ASAP1: variants seen among roughly 807,000 people sequenced by gnomAD.
ASAP1 encodes ArfGAP with SH3 domain, ankyrin repeat and PH domain 1.
ASAP1 carries 43 observed loss-of-function variants against 145.2 expected under a neutral mutation model. That is an observed-to-expected ratio of 0.30 (90% CI 0.23 to 0.38). The LOEUF is 0.38. ASAP1 is among the 10% of genes least tolerant of loss of function. The probability of loss-of-function intolerance (pLI) is 1.00; values close to 1 mark genes in which losing one functional copy is unlikely to be tolerated. For synonymous variants in ASAP1, 546 were observed against 515.5 expected, an observed-to-expected ratio of 1.06 and a Z score of -0.80; for missense variants, 1,018 against 1,355.3, an observed-to-expected ratio of 0.75 and a Z score of 3.91.
rs1329372395 is a variant in ASAP1, at chr8:130,221,636, T to C, written c.260-6935A>G. Among the ~76,000 whole-genome samples, 6 of 152,326 alleles carry C rather than the reference T, an allele frequency of 3.9e-5. No homozygotes were observed. In the East Asian group the frequency reaches 1.2e-3, roughly 29 times the overall value. The stretch of plus-strand genomic sequence containing the variant: ...CTAGCTGCTTCTTTGGGGTTTTTCA[T>C]TTCTTTTCCGTGAGGCCCCTTATGT... On this transcript the variant is annotated intron_variant, in intron 4 of 29. Transcript: ENST00000518721.
intron 5 of ASAP1, among the ~76,000 whole-genome samples, chr8:130,208,988 T>A (rs1246275359): frequency 6.6e-6 from 1 of 152,212 alleles, no homozygotes; most frequent in African/African-American, 2.4e-5. Context: ...CAATTATAGT[T>A]ATCTTTGATT....
At chr8:130,082,102 G>A (rs1030859128) in intron 25 of ASAP1, among the ~76,000 whole-genome samples, 4 of 152,136 alleles carry the variant, frequency 2.6e-5, no homozygotes, top group African/African-American at 9.7e-5. Context: ...TGCACCTACT[G>A]AAGAGGGAGA....
intron 2 of ASAP1, among the ~76,000 whole-genome samples, chr8:130,388,413 TG>T (rs1426823025): frequency 6.6e-6 from 1 of 152,122 alleles, no homozygotes; most frequent in Non-Finnish European, 1.5e-5. Context: ...GAATAATCCA[TG>T]TTGGACATAT....
At chr8:130,176,604 C>T (rs1194390802) in intron 9 of ASAP1, among the ~76,000 whole-genome samples, 1 of 152,102 alleles carries the variant, frequency 6.6e-6, no homozygotes, top group Non-Finnish European at 1.5e-5. Flanking sequence ...TAGCTATCCT[C>T]CAAGTTCAAT....
chr8:130,168,915 T>G (rs1180762496), intron 10 of ASAP1, 77 bp downstream of exon 10: 7 of 863,230 alleles, frequency 8.1e-6, no homozygotes, highest in Middle Eastern at 4.9e-4. Flanking sequence ...TTAACACCTT[T>G]CTAATACAGA....
chr8:130,292,257 A>C (rs1821991597), intron 3 of ASAP1, among the ~76,000 whole-genome samples: 1 of 152,226 alleles, frequency 6.6e-6, no homozygotes, highest in African/African-American at 2.4e-5. Context: ...ATGGGGCTAC[A>C]ATGGTGAAGA....
intron 4 of ASAP1, among the ~76,000 whole-genome samples, chr8:130,218,848 CAT>C (rs58256601): frequency 2.1e-4 from 32 of 149,064 alleles, no homozygotes; most frequent in Admixed American, 4.0e-4. Context: ...AGTCTCTTTC[CAT>C]ATATATATAT....
intron 9 of ASAP1, among the ~76,000 whole-genome samples, chr8:130,177,045 TTAATAA>T (rs1428963493): frequency 6.6e-6 from 1 of 152,170 alleles, no homozygotes; most frequent in East Asian, 1.9e-4. Flanking sequence ...CCCATTATGA[TTAATAA>T]TGGATCTGAC....
intron 2 of ASAP1, among the ~76,000 whole-genome samples, chr8:130,379,561 C>A (rs745943776): frequency 2.0e-5 from 3 of 152,154 alleles, no homozygotes; most frequent in Non-Finnish European, 2.9e-5. Context: ...TGCCCTAATT[C>A]CAGACAGTTA....
chr8:130,285,360 C>A (rs970765806), intron 3 of ASAP1, among the ~76,000 whole-genome samples: 1 of 151,922 alleles, frequency 6.6e-6, no homozygotes, highest in African/African-American at 2.4e-5. Flanking sequence ...TTGGTGCCAG[C>A]CTACAGGTAC....
At chr8:130,285,705 TA>T (rs1475754737) in intron 3 of ASAP1, among the ~76,000 whole-genome samples, 1 of 152,238 alleles carries the variant, frequency 6.6e-6, no homozygotes, top group Non-Finnish European at 1.5e-5. Flanking sequence ...TTAGCTGGAA[TA>T]AGGCTGTTAC....
intron 24 of ASAP1, among the ~76,000 whole-genome samples, chr8:130,109,070 C>G (rs940564224): frequency 6.6e-6 from 1 of 152,104 alleles, no homozygotes; most frequent in Non-Finnish European, 1.5e-5. Flanking sequence ...CCACCGCACC[C>G]GGTCCAAGAA....
Position 130,060,564 on chromosome 8 carries a change from C to T in ASAP1, c.3192+15G>A, listed in dbSNP as rs773723831. The T allele has an allele frequency of 1.3e-6, 2 of 1,582,526 alleles. No individual in the cohort carries two copies. The highest frequency in any genetic ancestry group is 2.2e-5 in the East Asian group (1 of 44,750). On this transcript the variant is annotated intron_variant, in intron 28 of 29. Transcript: ENST00000518721. The stretch of plus-strand genomic sequence containing the variant: ...GGAATAGGGTTCCTAAGGGCCTGAA[C>T]ATTGTCCCACCCACCGTATTGATTT...
intron 26 of ASAP1, among the ~76,000 whole-genome samples, chr8:130,077,216 C>T (rs1420953987): frequency 1.3e-5 from 2 of 152,226 alleles, no homozygotes; most frequent in African/African-American, 4.8e-5. Context: ...CTAGGCCTTG[C>T]TTTCCTTTTG....
At chr8:130,276,722 ACACACACTCT>A (rs1454725681) in intron 3 of ASAP1, among the ~76,000 whole-genome samples, 10 of 110,624 alleles carry the variant, frequency 9.0e-5, no homozygotes, top group African/African-American at 2.2e-4. Flanking sequence ...ACACACACAC[ACACACACTCT>A]CTCTCTCTCT....
chr8:130,156,946 G>C (rs997978609), intron 12 of ASAP1, among the ~76,000 whole-genome samples: 1 of 152,208 alleles, frequency 6.6e-6, no homozygotes, highest in Non-Finnish European at 1.5e-5. Flanking sequence ...ATTTCAAGAA[G>C]ATCATTGTGA....
chr8:130,081,367 C>T (rs1015284005), intron 25 of ASAP1, among the ~76,000 whole-genome samples: 3 of 152,164 alleles, frequency 2.0e-5, no homozygotes, highest in Non-Finnish European at 4.4e-5. Context: ...TGCAGGCACC[C>T]AGGAGGATTC....
rs909679944 is a variant in ASAP1, at chr8:130,384,012, G to A, written c.59+17873C>T. On this transcript the variant is annotated intron_variant, in intron 2 of 29. Coordinates refer to ENST00000518721, the MANE Select transcript of ASAP1 (RefSeq NM_018482.4). ...CATGGTGAAGACTGCCCTTTGTAAC[G>A]CAGGTCACACTCACCTGAACTCTTA... 2.1e-4 allele frequency among the ~76,000 whole-genome samples: 32 copies of A among 152,284 alleles called. 1 individual carries two copies. The highest frequency in any genetic ancestry group is 3.4e-3 in the Middle Eastern group (1 of 294).
intron 13 of ASAP1, among the ~76,000 whole-genome samples, chr8:130,147,463 T>C (rs188630984): frequency 1.2e-3 from 181 of 152,326 alleles, no homozygotes; most frequent in African/African-American, 4.1e-3. Context: ...GAAATTCAAG[T>C]CTAGGCAGTC....
Sources: allele counts gnomAD v4.1 joint callset (sites outside exome capture counted in the v4.1 genomes callset), GRCh38; gene constraint gnomAD v4.1.1; transcripts MANE v1.5; gene names NCBI Gene and HGNC (gene_info 2026-07-23, HGNC 2026-07-21).